CTNNA2: variants seen among roughly 807,000 people sequenced by gnomAD.
CTNNA2 encodes the protein catenin alpha-2.
Under a neutral mutation model 101.0 loss-of-function variants are expected in CTNNA2, and 42 were observed. That is an observed-to-expected ratio of 0.42 (90% CI 0.32 to 0.54). CTNNA2 has a LOEUF of 0.54. Among genes scored for constraint, CTNNA2 ranks in the 20% least tolerant of loss-of-function variants. The probability of loss-of-function intolerance (pLI) is 0.14; values close to 1 mark genes in which losing one functional copy is unlikely to be tolerated. For synonymous variants in CTNNA2, 450 were observed against 456.4 expected (o/e 0.99, Z 0.18); for missense variants, 871 against 1,223.1 (o/e 0.71, Z 4.29).
At chr2:80,132,676 A>T (rs1702478283) in intron 7 of CTNNA2, among the ~76,000 whole-genome samples, 1 of 152,202 alleles carries the variant, frequency 6.6e-6, no homozygotes, top group East Asian at 1.9e-4. Flanking sequence ...CTATAAATGC[A>T]GGCATTGATG....
At chr2:79,992,507 A>G (rs1420236193) in intron 7 of CTNNA2, among the ~76,000 whole-genome samples, 1 of 152,178 alleles carries the variant, frequency 6.6e-6, no homozygotes, top group Non-Finnish European at 1.5e-5. Flanking sequence ...ATACTTGCGT[A>G]TAACTTCCTT....
chr2:80,477,329 A>G (rs1685805474), intron 9 of CTNNA2, among the ~76,000 whole-genome samples: 2 of 152,298 alleles, frequency 1.3e-5, no homozygotes, highest in Non-Finnish European at 1.5e-5. Flanking sequence ...TTCCTGGTAA[A>G]TAGAAATAAA....
chr2:79,390,168 T>A (rs1678156901), intron 4 of CTNNA2, among the ~76,000 whole-genome samples: 1 of 152,172 alleles, frequency 6.6e-6, no homozygotes. Flanking sequence ...GGAAACTAAT[T>A]AAGTTTGATT....
At chr2:79,524,599 A>G (rs1276298189) in intron 1 of CTNNA2, 4 of 151,792 alleles carry the variant, frequency 2.6e-5, no homozygotes, top group East Asian at 1.9e-4. Flanking sequence ...AAATGATAAC[A>G]TATACTTTTT....
At chr2:79,447,760 ACCCAATACT>A (rs1395885941) in intron 4 of CTNNA2, among the ~76,000 whole-genome samples, 1 of 152,054 alleles carries the variant, frequency 6.6e-6, no homozygotes, top group Non-Finnish European at 1.5e-5. Context: ...AAAAGTGCTT[ACCCAATACT>A]CAGCTCACAA....
intron 4 of CTNNA2, among the ~76,000 whole-genome samples, chr2:79,409,467 A>G (rs932798994): frequency 4.6e-5 from 7 of 151,918 alleles, no homozygotes; most frequent in Non-Finnish European, 7.4e-5. Flanking sequence ...ATCTTGAATT[A>G]ATTTTTGTAT....
intron 2 of CTNNA2, among the ~76,000 whole-genome samples, chr2:79,672,278 A>G (rs748295958): frequency 2.0e-5 from 3 of 152,178 alleles, no homozygotes; most frequent in Non-Finnish European, 4.4e-5. Context: ...ATGAAAAGGT[A>G]ACCAAAAATA....
chr2:79,587,592 A>C (rs777530556), intron 1 of CTNNA2, among the ~76,000 whole-genome samples: 14 of 151,798 alleles, frequency 9.2e-5, no homozygotes, highest in Non-Finnish European at 5.9e-5. Context: ...TCTTCTAGTC[A>C]CTGACACACA....
In CTNNA2 at chr2:80,010,567, G is replaced by T. The variant is rs764545565; in HGVS notation, c.1056+100770G>T. Among the ~76,000 whole-genome samples the T allele has an allele frequency of 3.9e-5, 6 of 152,266 alleles. No homozygotes were observed. In the South Asian group the frequency reaches 1.0e-3, roughly 26 times the overall value. On this transcript the variant is annotated intron_variant, in intron 7 of 18. Coordinates refer to ENST00000402739, the MANE Select transcript of CTNNA2 (RefSeq NM_001282597.3). ...GATCCTTGTGTCTTGGCCTTCCAAAGTTCTGGGATTGTAGGTGTGAGCCAT... is the reference window on the plus strand; with the variant it reads ...GATCCTTGTGTCTTGGCCTTCCAAATTTCTGGGATTGTAGGTGTGAGCCAT...
intron 7 of CTNNA2, among the ~76,000 whole-genome samples, chr2:80,034,354 C>CTTTTTTTTTTTT (rs1199616310): frequency 3.7e-5 from 2 of 54,076 alleles, no homozygotes; most frequent in African/African-American, 7.8e-5. Context: ...ATTTTTTTTT[C>CTTTTTTTTTTTT]TTTTTTTTTT....
At chr2:79,968,707 A>G (rs192185698) in intron 7 of CTNNA2, among the ~76,000 whole-genome samples, 8 of 152,334 alleles carry the variant, frequency 5.3e-5, no homozygotes, top group East Asian at 1.9e-4. Context: ...AAGATATACA[A>G]GGAAAAAATA....
At chr2:80,393,176 T>A in intron 7 of CTNNA2, 35 bp from the exon 8 acceptor site, 3 of 1,515,672 alleles carry the variant, frequency 2.0e-6, no homozygotes, top group Non-Finnish European at 2.7e-6. Flanking sequence ...ACATTGAATA[T>A]GCTAAATCAG....
rs144086873 is a variant in CTNNA2, at chr2:80,207,801, T to A, written c.1057-185410T>A. ...TCTTTGGGCCACTGAATTGATGAGA[T>A]TGCCCAAGGAGAGAAAGGAAGATAG... On this transcript the variant is annotated intron_variant, in intron 7 of 18. Coordinates refer to ENST00000402739, the MANE Select transcript of CTNNA2 (RefSeq NM_001282597.3). 2.1e-3 allele frequency among the ~76,000 whole-genome samples: 314 copies of A among 151,394 alleles called. 1 individual carries two copies. The highest frequency in any genetic ancestry group is 7.4e-3 in the African/African-American group (303 of 41,186).
intron 9 of CTNNA2, among the ~76,000 whole-genome samples, chr2:80,437,189 C>A (rs374289094): frequency 1.1e-4 from 17 of 152,164 alleles, no homozygotes; most frequent in East Asian, 7.8e-4. Context: ...CCATAAATTT[C>A]TGTCGTTGAT....
chr2:80,182,909 C>T (rs964112652), intron 7 of CTNNA2, among the ~76,000 whole-genome samples: 3 of 152,174 alleles, frequency 2.0e-5, no homozygotes, highest in Admixed American at 1.3e-4. Flanking sequence ...GACCCAAAGG[C>T]ATGACATCTG....
At chr2:79,720,618 G>C (rs1414603786) in intron 2 of CTNNA2, among the ~76,000 whole-genome samples, 1 of 151,930 alleles carries the variant, frequency 6.6e-6, no homozygotes. Context: ...TTGGTTAGTT[G>C]TATTTTCAGG....
At chr2:80,320,073 A>T (rs1678529549) in intron 7 of CTNNA2, among the ~76,000 whole-genome samples, 1 of 152,228 alleles carries the variant, frequency 6.6e-6, no homozygotes, top group Non-Finnish European at 1.5e-5. Flanking sequence ...TCATCCAGGT[A>T]ATATTTTTAA....
At chr2:80,068,469 C>A (rs969446250) in intron 7 of CTNNA2, among the ~76,000 whole-genome samples, 1 of 152,202 alleles carries the variant, frequency 6.6e-6, no homozygotes, top group Non-Finnish European at 1.5e-5. Context: ...AATATAATTG[C>A]AACTCCTTGC....
chr2:80,398,971 C>T (rs549763800), intron 8 of CTNNA2, among the ~76,000 whole-genome samples: 24 of 151,650 alleles, frequency 1.6e-4, no homozygotes, highest in Non-Finnish European at 2.7e-4. Flanking sequence ...TGCAATGGTG[C>T]GATCTCAACT....
Sources: gnomAD v4.1 joint callset for allele counts (sites outside exome capture counted in the v4.1 genomes callset) on GRCh38, gnomAD v4.1.1 for gene constraint, MANE v1.5 for transcripts, NCBI Gene and HGNC (gene_info 2026-07-23, HGNC 2026-07-21) for gene names.